The following USH2A variants were observed in gnomAD, a reference collection of about 807,000 sequenced individuals.
The protein encoded by USH2A is Usher syndrome 2A (autosomal recessive, mild).
A neutral mutation model predicts 538.9 loss-of-function variants in USH2A; 443 were observed. That is an observed-to-expected ratio of 0.82 (90% confidence interval 0.76 to 0.89). USH2A has a LOEUF of 0.89. Among genes scored for constraint, USH2A ranks in the 40% least tolerant of loss-of-function variants. The probability of loss-of-function intolerance (pLI) is 0.00; values close to 1 mark genes in which losing one functional copy is unlikely to be tolerated. For synonymous variants in USH2A, 2,413 were observed against 2,273.5 expected, an observed-to-expected ratio of 1.06 and a Z score of -1.75; for missense variants, 6,633 against 6,324.8, an observed-to-expected ratio of 1.05 and a Z score of -1.65.
rs576466805 is a variant in USH2A at position 216,365,005 on chromosome 1, A to C, written c.732T>G (p.Gly244=). 1.2e-6 allele frequency: 2 copies of C among 1,613,758 alleles called. No homozygotes were observed. The highest frequency in any genetic ancestry group is 2.7e-5 in the African/African-American group (2 of 75,038). The change falls in exon 4 of 72, where the codon GGT becomes GGG. Residue 244 remains glycine, a synonymous_variant. Coordinates refer to ENST00000307340, the MANE Select transcript of USH2A (RefSeq NM_206933.4). ...HTPFNARTLS[G]SITDFASGTV... is the part of the protein sequence containing the mutation. Reference sequence around the variant, plus strand: ...TACCAGATGCAAAATCTGTAATTGAACCACTTAGAGTTCTTGCATTGAAAG... The same window carrying C: ...TACCAGATGCAAAATCTGTAATTGACCCACTTAGAGTTCTTGCATTGAAAG...
chr1:215,777,601 C>T (rs1164347329), intron 55 of USH2A, among the ~76,000 whole-genome samples: 2 of 152,224 alleles, frequency 1.3e-5, no homozygotes, highest in Non-Finnish European at 2.9e-5. Flanking sequence ...TTCACCACTG[C>T]ATCCTGTATA....
intron 21 of USH2A, among the ~76,000 whole-genome samples, chr1:216,104,082 T>TA (rs1391760411): frequency 1.1e-4 from 17 of 151,756 alleles, no homozygotes; most frequent in Middle Eastern, 3.2e-3. Context: ...TCTTTTTTTT[T>TA]ATACTTTAAG....
At chr1:215,721,834 C>A (rs138516635) in intron 61 of USH2A, among the ~76,000 whole-genome samples, 47 of 152,182 alleles carry the variant, frequency 3.1e-4, no homozygotes, top group African/African-American at 8.2e-4. Context: ...GACGCCGCAG[C>A]GGGAGGATCT....
intron 70 of USH2A, among the ~76,000 whole-genome samples, chr1:215,629,380 C>A (rs902964119): frequency 6.6e-6 from 1 of 152,128 alleles, no homozygotes; most frequent in African/African-American, 2.4e-5. Flanking sequence ...GCAAGGCAGA[C>A]GGATGATGGG....
intron 61 of USH2A, among the ~76,000 whole-genome samples, chr1:215,701,958 T>G (rs1216901005): frequency 1.3e-5 from 2 of 152,210 alleles, no homozygotes; most frequent in African/African-American, 4.8e-5. Flanking sequence ...CTGGTAGAAG[T>G]TTTTCCTTTC....
rs751814860 is a variant in USH2A at position 216,418,539 on chromosome 1, T to G, written c.626A>C (p.Lys209Thr). ...CTGCACACTAAGATGAATCCATTTC[T>G]TCACAAGAATTCTCCCCAGTGTCAT... Reference protein sequence around the residue: ...KVMTLGRILVKKWIHLSVQVH... With the variant: ...KVMTLGRILVTKWIHLSVQVH... Residue 209 changes from lysine to threonine, a missense_variant, in exon 3 of 72, where the codon AAG (lysine) becomes ACG (threonine). Transcript: ENST00000307340. 3.1e-6 allele frequency: 5 copies of G among 1,613,144 alleles called. No homozygotes were observed. The East Asian group carries it at 6.7e-5, about 22-fold the overall frequency.
intron 38 of USH2A, among the ~76,000 whole-genome samples, chr1:215,905,707 G>C (rs1049510127): frequency 8.6e-5 from 13 of 151,976 alleles, no homozygotes; most frequent in Non-Finnish European, 1.9e-4. Flanking sequence ...GATGTTCTCA[G>C]CCTCATTCCC....
chr1:215,851,326 A>G (rs1664010074), intron 44 of USH2A, among the ~76,000 whole-genome samples: 1 of 152,166 alleles, frequency 6.6e-6, no homozygotes. Context: ...AAAAGAAGAG[A>G]GAAGATCCAA....
chr1:215,795,732 A>G (rs17025437), intron 50 of USH2A, among the ~76,000 whole-genome samples: 6,752 of 152,256 alleles, frequency 0.044, 519 homozygotes, highest in African/African-American at 0.15. Flanking sequence ...GGAGGTATTC[A>G]ACTGGTTAGT....
intron 15 of USH2A, among the ~76,000 whole-genome samples, chr1:216,207,999 A>G (rs936787862): frequency 6.6e-5 from 10 of 150,544 alleles, no homozygotes; most frequent in Middle Eastern, 3.4e-3. Context: ...TGAATGTACC[A>G]TCACCTGTTA....
At chr1:215,666,412 C>T (rs748964258) in intron 64 of USH2A, among the ~76,000 whole-genome samples, 13 of 152,260 alleles carry the variant, frequency 8.5e-5, no homozygotes, top group African/African-American at 1.2e-4. Flanking sequence ...GATAGACCAA[C>T]GTCAATAGGC....
chr1:215,857,947 G>C (rs547717100), intron 44 of USH2A, among the ~76,000 whole-genome samples: 2 of 152,152 alleles, frequency 1.3e-5, no homozygotes, highest in African/African-American at 2.4e-5. Flanking sequence ...GGTTGCTCTG[G>C]TGTCCCCTTG....
chr1:215,766,780 G>T lies in USH2A; in HGVS notation c.10948C>A (p.Pro3650Thr). 4 of 1,613,484 alleles carry T rather than the reference G, an allele frequency of 2.5e-6. No individual in the cohort carries two copies. In the South Asian group the frequency reaches 3.3e-5, roughly 13 times the overall value. Residue 3650 changes from proline to threonine, a missense_variant, in exon 56 of 72, where the codon CCA (proline) becomes ACA (threonine). Pro to Thr is a conservative substitution (Grantham distance 38). Transcript: ENST00000307340. ...RRQHTVTGLQ[P>T]YTNYSFTLTA... is the part of the protein sequence containing the mutation. ...AGAGTGAAGCTGTAGTTGGTGTATG[G>T]CTGGAGACCTAGAAAAAGCAAGCAA...
In USH2A at chr1:216,102,183, G is replaced by GA. The variant is rs149313911; in HGVS notation, c.4628-4971dup. On this transcript the variant is annotated intron_variant, in intron 21 of 71. Coordinates refer to ENST00000307340, the MANE Select transcript of USH2A (RefSeq NM_206933.4). Reference sequence around the variant, plus strand: ...TATCTGATACCAAGATACATAGCCAGAAAAAAAAAATATGAAAAAGATGGT... The same window carrying GA: ...TATCTGATACCAAGATACATAGCCAGAAAAAAAAAAATATGAAAAAGATGGT... 3.6e-3 allele frequency among the ~76,000 whole-genome samples: 529 copies of GA among 146,914 alleles called. 3 individuals are homozygous for GA. Among genetic ancestry groups the GA allele is most frequent in the South Asian group, 0.023 (109 of 4,674 alleles).
chr1:216,111,107 C>G (rs1445307653), intron 21 of USH2A, among the ~76,000 whole-genome samples: 1 of 152,048 alleles, frequency 6.6e-6, no homozygotes, highest in African/African-American at 2.4e-5. Flanking sequence ...ACTTGTAATC[C>G]CAGCTACTCA....
At chr1:216,388,472 A>C (rs2039044946) in intron 3 of USH2A, among the ~76,000 whole-genome samples, 1 of 152,148 alleles carries the variant, frequency 6.6e-6, no homozygotes, top group Non-Finnish European at 1.5e-5. Context: ...TTAAAGAAAA[A>C]TTTCCACTCT....
At chr1:216,164,966 G>A (rs993380666) in intron 21 of USH2A, among the ~76,000 whole-genome samples, 21 of 152,164 alleles carry the variant, frequency 1.4e-4, no homozygotes, top group Middle Eastern at 3.4e-3. Flanking sequence ...GTGCAAAGTC[G>A]CACACCAGCA....
Position 216,160,743 on chromosome 1 carries a change from CAT to C in USH2A, c.4627+14507_4627+14508del, listed in dbSNP as rs199633997. On this transcript the variant is annotated intron_variant, in intron 21 of 71. Transcript: ENST00000307340. Reference sequence around the variant, plus strand: ...ATATGACAACACTTATAAAATGTCACATGTTTTATATACAGATGTAATTGTTT... The same window carrying C: ...ATATGACAACACTTATAAAATGTCACGTTTTATATACAGATGTAATTGTTT... Among the ~76,000 whole-genome samples, 1,409 of 152,226 alleles carry C rather than the reference CAT, an allele frequency of 9.3e-3. 21 individuals are homozygous for C. The highest frequency in any genetic ancestry group is 0.03 in the African/African-American group (1,251 of 41,544).
intron 14 of USH2A, among the ~76,000 whole-genome samples, chr1:216,220,466 A>T (rs1004987169): frequency 1.3e-5 from 2 of 150,920 alleles, no homozygotes; most frequent in African/African-American, 2.4e-5. Context: ...AAAAGGGGCA[A>T]CTTAACTAGT....
Sources: gnomAD v4.1 joint callset for allele counts (sites outside exome capture counted in the v4.1 genomes callset) on GRCh38, gnomAD v4.1.1 for gene constraint, MANE v1.5 for transcripts, NCBI Gene and HGNC (gene_info 2026-07-23, HGNC 2026-07-21) for gene names.